Variants in NEB observed in about 807,000 individuals in gnomAD.
The protein encoded by NEB is nebulin.
A neutral mutation model predicts 952.2 loss-of-function variants in NEB; 512 were observed. The observed-to-expected ratio is 0.54, with a 90% CI of 0.50 to 0.58. The LOEUF is 0.58. Ranked by LOEUF, NEB falls within the 20% of genes least tolerant of loss-of-function variation. The pLI, the probability that NEB is intolerant of heterozygous loss-of-function variation, is 0.00. For synonymous variants in NEB, 2,900 were observed against 3,149.8 expected (o/e 0.92, Z 2.66); for missense variants, 8,428 against 9,231.1 (o/e 0.91, Z 3.56).
At chr2:151,670,345 A>AT (rs954336102) in intron 38 of NEB, among the ~76,000 whole-genome samples, 7 of 152,062 alleles carry the variant, frequency 4.6e-5, no homozygotes, top group Non-Finnish European at 1.0e-4. Flanking sequence ...TGGTGGAGGC[A>AT]TTTTAACAGA....
intron 47 of NEB, among the ~76,000 whole-genome samples, chr2:151,658,737 A>C (rs906141302): frequency 6.6e-6 from 1 of 152,196 alleles, no homozygotes; most frequent in African/African-American, 2.4e-5. Context: ...GGGCTGTCTA[A>C]GAACGAAATT....
At chr2:151,688,453 G>T (rs568429436) in intron 24 of NEB, 57 bp from the exon 25 acceptor site, 3 of 1,347,754 alleles carry the variant, frequency 2.2e-6, no homozygotes, top group Non-Finnish European at 3.2e-6. Context: ...TTTATTTAGG[G>T]CAGCATATAT....
Position 151,665,351 on chromosome 2 carries a change from G to T in NEB, c.5220C>A (p.Asn1740Lys). 6.2e-7 allele frequency: 1 copy of T among 1,613,650 alleles called. No individual in the cohort carries two copies. The highest frequency in any genetic ancestry group is 2.2e-5 in the East Asian group (1 of 44,854). ...TCCTTACCTTGTCCATGTTCAGTTT[G>T]TTACTCTTGTTAAGTGCCTGTTCCA... The part of the protein sequence containing the change: ...DTMEQALNKS[N>K]KLNMDKRLYT... The change falls in exon 42 of 182, where the codon AAC (asparagine) becomes AAA (lysine). Residue 1740 changes from asparagine (N) to lysine (K), a missense_variant. Transcript: ENST00000397345.
intron 181 of NEB, among the ~76,000 whole-genome samples, chr2:151,487,175 C>T (rs543644491): frequency 2.0e-5 from 3 of 152,172 alleles, no homozygotes; most frequent in South Asian, 4.2e-4. Context: ...ATTTGAAAAC[C>T]CGTAGCACTA....
chr2:151,526,850 C>T, intron 148 of NEB, 68 bp downstream of exon 148: 5 of 1,133,542 alleles, frequency 4.4e-6, no homozygotes, highest in Non-Finnish European at 6.5e-6. Flanking sequence ...CCTGGTGTCC[C>T]TGGGGACTGT....
In NEB at chr2:151,504,174, G is replaced by T. The variant is rs188278168; in HGVS notation, c.23743-733C>A. ...AGGACTGAATGAGTTCTTTTAAATG[G>T]ATGGATTCCCTGGTGTATTAGTGCA... On this transcript the variant is annotated intron_variant, in intron 165 of 181. Transcript: ENST00000397345. Among the ~76,000 whole-genome samples the T allele has an allele frequency of 3.9e-5, 6 of 152,228 alleles. No individual in the cohort carries two copies. In the East Asian group the frequency reaches 1.2e-3, roughly 29 times the overall value.
Position 151,555,090 on chromosome 2 carries a change from G to A in NEB, c.19315-46C>T, listed in dbSNP as rs376200575. The A allele has an allele frequency of 2.6e-5, 34 of 1,299,550 alleles. No individual in the cohort carries two copies. The African/African-American group carries it at 4.7e-4, about 18-fold the overall frequency. 80.5% of individuals were successfully genotyped at this position (1,299,550 alleles called of 1,614,324 possible). A position where few individuals can be genotyped will look rare whatever the true frequency, so the allele number is the denominator to read the frequency against. ...GGAAGAAACAGTTTTAGAGAGTAAT[G>A]GATTTATATTATTAAAACAGCATAA... is the stretch of plus-strand genomic sequence containing the variant. On this transcript the variant is annotated intron_variant, in intron 124 of 181. Transcript: ENST00000397345.
chr2:151,664,408 G>T, intron 44 of NEB, 93 bp downstream of exon 44: 1 of 923,430 alleles, frequency 1.1e-6, no homozygotes, highest in Non-Finnish European at 1.6e-6. Flanking sequence ...CACCAACCCT[G>T]AATGGAGCTG....
chr2:151,535,078 G>A lies in NEB; in HGVS notation c.21312+613C>T, dbSNP rs115789938. On this transcript the variant is annotated intron_variant, in intron 142 of 181. Transcript: ENST00000397345. Reference sequence around the variant, plus strand: ...ACCATCCCAACTAAATAAATTCATAGCTTGTTTATTTCAGCCATCTTGAGC... The same window carrying A: ...ACCATCCCAACTAAATAAATTCATAACTTGTTTATTTCAGCCATCTTGAGC... 8.2e-3 allele frequency among the ~76,000 whole-genome samples: 1,245 copies of A among 152,270 alleles called. 6 individuals are homozygous for A. The highest frequency in any genetic ancestry group is 0.012 in the Non-Finnish European group (822 of 68,034).
At position 151,496,271 on chromosome 2, in the gene NEB, A is replaced by T. The variant is rs778743839; in HGVS notation, c.24486+5T>A. On this transcript the variant is annotated splice_donor_5th_base_variant and intron_variant, in intron 173 of 181. Coordinates refer to ENST00000397345, the MANE Select transcript of NEB (RefSeq NM_001164508.2). ...AAGTAGTTTTTTTCTTTTCTCGCCA[A>T]GTACCGAGCTAATATTTTCTTGATT... 6 of 1,600,996 alleles carry T rather than the reference A, an allele frequency of 3.7e-6. No homozygotes were observed. In the African/African-American group the frequency reaches 6.7e-5, roughly 18 times the overall value.
rs1288563564 is a variant in NEB, at chr2:151,525,180, C to T, written c.22255G>A (p.Ala7419Thr). 5 of 1,613,520 alleles carry T rather than the reference C, an allele frequency of 3.1e-6. No homozygotes were observed. The highest frequency in any genetic ancestry group is 1.3e-5 in the African/African-American group (1 of 74,914). ...PPEVKHAMEV[A>T]KKQSDVAYRK... Reference sequence around the variant, plus strand: ...AAACTTACATCACTTTGCTTCTTGGCCACTTCCATAGCATGTTTCACCTCT... The same window carrying T: ...AAACTTACATCACTTTGCTTCTTGGTCACTTCCATAGCATGTTTCACCTCT... Residue 7419 changes from alanine to threonine, a missense_variant, in exon 151 of 182, where the codon GCC becomes ACC. Physicochemically the swap from Ala to Thr is moderately conservative, Grantham distance 58 (BLOSUM62 0). Transcript: ENST00000397345.
At chr2:151,725,392 A>G in intron 6 of NEB, 61 bp downstream of exon 6, 11 of 1,366,238 alleles carry the variant, frequency 8.1e-6, no homozygotes, top group Non-Finnish European at 1.1e-5. Context: ...AGAGCCCACA[A>G]TTCCCAGCAG....
rs1243548122 is a variant in NEB, at chr2:151,619,595, C to G, written c.10728G>C (p.Val3576=). Reference sequence around the variant, plus strand: ...TGGCCAAAACGATACCAAGCATGTCCACTGGGCTGCTGTACCTTGTCTTGT... The same window carrying G: ...TGGCCAAAACGATACCAAGCATGTCGACTGGGCTGCTGTACCTTGTCTTGT... The part of the protein sequence containing the change: ...EKYKTRYSSP[V]DMLGIVLAKK... Residue 3576 remains valine (V), a synonymous_variant, in exon 73 of 182, where the codon GTG becomes GTC. Transcript: ENST00000397345. The G allele has an allele frequency of 6.2e-7, 1 of 1,613,958 alleles. No homozygotes were observed. Among genetic ancestry groups the G allele is most frequent in the South Asian group, 1.1e-5 (1 of 91,076 alleles).
chr2:151,559,613 A>G (rs1197107213), intron 124 of NEB, among the ~76,000 whole-genome samples: 1 of 152,236 alleles, frequency 6.6e-6, no homozygotes, highest in Non-Finnish European at 1.5e-5. Context: ...ATGCAGCCAT[A>G]AAAAAGATGA....
chr2:151,630,590 G>A, intron 67 of NEB, 125 bp downstream of exon 67: 1 of 693,128 alleles, frequency 1.4e-6, no homozygotes, highest in Non-Finnish European at 2.5e-6. Context: ...GAGATGAAAG[G>A]TTGGATGAGT....
intron 72 of NEB, among the ~76,000 whole-genome samples, chr2:151,620,333 ATATGTATGTGTGTG>A (rs2098370711): frequency 9.1e-6 from 1 of 109,476 alleles, no homozygotes; most frequent in Non-Finnish European, 1.8e-5. Context: ...TATTATATAT[ATATGTATGTGTGTG>A]TATATATATA....
intron 63 of NEB, among the ~76,000 whole-genome samples, chr2:151,637,865 A>G (rs1228607874): frequency 6.6e-6 from 1 of 152,224 alleles, no homozygotes; most frequent in Non-Finnish European, 1.5e-5. Flanking sequence ...ACAAGCACTA[A>G]AATTACAGTC....
chr2:151,672,267 G>T, intron 37 of NEB, 102 bp downstream of exon 37: 1 of 1,148,440 alleles, frequency 8.7e-7, no homozygotes, highest in Non-Finnish European at 1.2e-6. Flanking sequence ...ATTCTAAAGT[G>T]CATTTGTCAA....
At chr2:151,537,279 C>G (rs1018547588) in intron 140 of NEB, 43 bp from the exon 141 acceptor site, 1 of 1,181,870 alleles carries the variant, frequency 8.5e-7, no homozygotes, top group Non-Finnish European at 1.3e-6. Flanking sequence ...AAGCCATCTC[C>G]AAACAGCAAT....
Sources: allele counts gnomAD v4.1 joint callset (sites outside exome capture counted in the v4.1 genomes callset), GRCh38; gene constraint gnomAD v4.1.1; transcripts MANE v1.5; gene names NCBI Gene and HGNC (gene_info 2026-07-23, HGNC 2026-07-21).